The following PTPRG variants were observed in gnomAD, a reference collection of about 807,000 sequenced individuals.
PTPRG encodes receptor-type tyrosine-protein phosphatase gamma.
A neutral mutation model predicts 165.3 loss-of-function variants in PTPRG; 102 were observed. The observed-to-expected ratio is 0.62, with a 90% CI of 0.53 to 0.73. PTPRG has a LOEUF of 0.73. Ranked by LOEUF, PTPRG falls within the 30% of genes least tolerant of loss-of-function variation. The pLI, the probability that PTPRG is intolerant of heterozygous loss-of-function variation, is 0.00. For missense variants in PTPRG, 1,866 were observed against 1,861.4 expected, an observed-to-expected ratio of 1.00 and a Z score of -0.05; for synonymous variants, 675 against 669.5, an observed-to-expected ratio of 1.01 and a Z score of -0.13.
At chr3:61,869,012 T>A (rs13067018) in intron 2 of PTPRG, among the ~76,000 whole-genome samples, 18,568 of 152,076 alleles carry the variant, frequency 0.12, 1,963 homozygotes, top group African/African-American at 0.28. Context: ...CTCCATAGTT[T>A]CCACGCTTCA....
chr3:62,034,510 G>T (rs539145444), intron 4 of PTPRG, among the ~76,000 whole-genome samples: 4 of 152,236 alleles, frequency 2.6e-5, no homozygotes, highest in Admixed American at 2.0e-4. Flanking sequence ...AAGCTGCTCA[G>T]AGCCATGTGT....
intron 2 of PTPRG, among the ~76,000 whole-genome samples, chr3:61,910,777 T>C (rs2038782418): frequency 6.6e-6 from 1 of 152,192 alleles, no homozygotes; most frequent in Admixed American, 6.5e-5. Flanking sequence ...CTGCCTCTGT[T>C]CGGTGCAGCC....
rs1175613732 is a variant in PTPRG at position 62,214,013 on chromosome 3, A to G, written c.2156-4838A>G. 1.3e-5 allele frequency among the ~76,000 whole-genome samples: 2 copies of G among 152,142 alleles called. No homozygotes were observed. The highest frequency in any genetic ancestry group is 4.8e-5 in the African/African-American group (2 of 41,430). On this transcript the variant is annotated intron_variant, in intron 12 of 29. Transcript: ENST00000474889. This position sits in a 1 kb window ranked among gnomAD's most constrained non-coding sequence, Gnocchi z 5.2. The stretch of plus-strand genomic sequence containing the variant: ...GAAGTTCGAGACCAGCCTGGGCAAC[A>G]TATCAAGAAAGTGTCTCTACCAAAA...
chr3:62,203,095 C>T lies in PTPRG; in HGVS notation c.1378-78C>T. The T allele has an allele frequency of 6.6e-7, 1 of 1,515,630 alleles. No individual in the cohort carries two copies. The allele number at this position is 1,515,630 out of a possible 1,614,324, so 93.9% of individuals were successfully genotyped here. On this transcript the variant is annotated intron_variant, in intron 11 of 29. Coordinates refer to ENST00000474889, the MANE Select transcript of PTPRG (RefSeq NM_002841.4). The surrounding 1 kb of genome is among the most constrained non-coding windows in gnomAD (Gnocchi z 6.4). The stretch of plus-strand genomic sequence containing the variant: ...AGAGGGTGACAACCAGGGCCTCATT[C>T]CCAATCTCAATTACTGATGCTTCTC...
intron 4 of PTPRG, among the ~76,000 whole-genome samples, chr3:62,021,623 TG>T (rs1241715275): frequency 6.6e-6 from 1 of 152,202 alleles, no homozygotes; most frequent in Admixed American, 6.5e-5. Context: ...AAGTTCTTTG[TG>T]TTACAGTGCG....
At chr3:62,066,920 C>A (rs895349766) in intron 4 of PTPRG, among the ~76,000 whole-genome samples, 1 of 151,728 alleles carries the variant, frequency 6.6e-6, no homozygotes, top group Admixed American at 6.6e-5. Context: ...TGCCTGTAAT[C>A]CCAGCTACTC....
At chr3:61,806,514 T>A (rs576312060) in intron 2 of PTPRG, among the ~76,000 whole-genome samples, 1 of 152,288 alleles carries the variant, frequency 6.6e-6, no homozygotes, top group Non-Finnish European at 1.5e-5. Context: ...AATGATTAAG[T>A]CTTTTTGGTT....
chr3:62,081,762 T>A (rs890416853), intron 5 of PTPRG, among the ~76,000 whole-genome samples: 4 of 152,250 alleles, frequency 2.6e-5, no homozygotes, highest in Non-Finnish European at 4.4e-5. Flanking sequence ...TCTCATTTTT[T>A]AATTTTTTTG....
In PTPRG at chr3:61,817,133, AATAC is replaced by A. The variant is rs1448529904; in HGVS notation, c.190+68155_190+68158del. On this transcript the variant is annotated intron_variant, in intron 2 of 29. Coordinates refer to ENST00000474889, the MANE Select transcript of PTPRG (RefSeq NM_002841.4). ...TACATATTACATATGTATTACACAT[AATAC>A]ATATATTACATATATATAATATATA... 1.2e-3 allele frequency among the ~76,000 whole-genome samples: 155 copies of A among 131,046 alleles called. No homozygotes were observed. In the Middle Eastern group the frequency reaches 0.03, roughly 25 times the overall value. The allele number at this position is 131,046 out of a possible 152,430, so 86.0% of individuals were successfully genotyped here. A position where few individuals can be genotyped will look rare whatever the true frequency, so the allele number is the denominator to read the frequency against.
At chr3:62,049,142 G>C (rs1301433741) in intron 4 of PTPRG, among the ~76,000 whole-genome samples, 1 of 152,048 alleles carries the variant, frequency 6.6e-6, no homozygotes, top group Admixed American at 6.6e-5. Flanking sequence ...CAGAAGCCGG[G>C]GAGAAACGTA....
chr3:61,871,131 T>TTA (rs1477543430), intron 2 of PTPRG, among the ~76,000 whole-genome samples: 1,611 of 118,068 alleles, frequency 0.014, 24 homozygotes, highest in Middle Eastern at 0.037. Flanking sequence ...TTATGTTATG[T>TTA]TGTGTTGTGT....
intron 1 of PTPRG, among the ~76,000 whole-genome samples, chr3:61,661,229 G>GC (rs892926300): frequency 6.6e-6 from 1 of 151,932 alleles, no homozygotes; most frequent in Non-Finnish European, 1.5e-5. Context: ...CATGCCACTA[G>GC]CCCAGGCTCC....
At chr3:61,781,897 T>TG (rs1273498955) in intron 2 of PTPRG, among the ~76,000 whole-genome samples, 171 of 150,388 alleles carry the variant, frequency 1.1e-3, no homozygotes, top group African/African-American at 3.9e-3. Context: ...CCAGTTTTTT[T>TG]TTTTTTTTTT....
chr3:61,595,411 A>G (rs1238434593), intron 1 of PTPRG, among the ~76,000 whole-genome samples: 1 of 152,224 alleles, frequency 6.6e-6, no homozygotes, highest in Non-Finnish European at 1.5e-5. Flanking sequence ...ACAGCTGGGA[A>G]TGTGTCCTCA....
intron 2 of PTPRG, among the ~76,000 whole-genome samples, chr3:61,762,308 G>C (rs144564883): frequency 5.3e-5 from 8 of 152,268 alleles, no homozygotes; most frequent in Non-Finnish European, 1.0e-4. Context: ...CTGCATACCT[G>C]CTGTGCCAGA....
intron 1 of PTPRG, among the ~76,000 whole-genome samples, chr3:61,731,634 A>C (rs547084207): frequency 5.6e-4 from 86 of 152,256 alleles, no homozygotes; most frequent in African/African-American, 1.9e-3. Context: ...GGCGTGAGCC[A>C]CTGTGCCCAG....
At chr3:61,671,944 A>T (rs1703011474) in intron 1 of PTPRG, among the ~76,000 whole-genome samples, 1 of 111,008 alleles carries the variant, frequency 9.0e-6, no homozygotes, top group South Asian at 3.2e-4. Context: ...CTGGGCGGAG[A>T]TGCTCCTCAC....
intron 1 of PTPRG, among the ~76,000 whole-genome samples, chr3:61,733,213 G>T (rs1217790593): frequency 1.3e-5 from 2 of 152,108 alleles, no homozygotes; most frequent in Non-Finnish European, 2.9e-5. Flanking sequence ...TTCTATATTG[G>T]TATTTCATGT....
intron 2 of PTPRG, among the ~76,000 whole-genome samples, chr3:61,977,196 C>T (rs907110598): frequency 1.5e-5 from 2 of 135,232 alleles, no homozygotes; most frequent in Non-Finnish European, 3.1e-5. Context: ...CCCTCCCCCA[C>T]CCCCCACACT....
Sources: gnomAD v4.1 joint callset for allele counts (sites outside exome capture counted in the v4.1 genomes callset) on GRCh38, gnomAD v4.1.1 for gene constraint, Gnocchi (gnomAD v3.1) non-coding constraint, MANE v1.5 for transcripts, NCBI Gene and HGNC (gene_info 2026-07-23, HGNC 2026-07-21) for gene names.